The following CRCT1 variants were observed in gnomAD, a reference collection of about 807,000 sequenced individuals.
CRCT1 encodes the protein cysteine rich C-terminal 1.
For missense variants in CRCT1, 160 were observed against 136.3 expected (o/e 1.17, Z -0.87); for synonymous variants, 86 against 60.3 (o/e 1.43, Z -1.98).
chr1:152,515,479 G>A lies in CRCT1; in HGVS notation c.96G>A (p.Ala32=), dbSNP rs773688163. The A allele has an allele frequency of 6.2e-7, 1 of 1,600,710 alleles. No individual in the cohort carries two copies. Among genetic ancestry groups the A allele is most frequent in the South Asian group, 1.1e-5 (1 of 90,406 alleles). ...GTCCCGCCCCGGCGCCCACCCCGGC[G>A]CCCGCCTCCTCCTCCTCCTGCTGCG... is the stretch of plus-strand genomic sequence containing the variant. ...APCPAPAPTP[A]PASSSSCCGS... is the part of the protein sequence containing the mutation. The change falls in exon 2 of 2, where the codon GCG becomes GCA. Residue 32 remains alanine, a synonymous_variant. Coordinates refer to ENST00000368790, the MANE Select transcript of CRCT1 (RefSeq NM_019060.3).
chr1:152,515,296 CCAGA>C (rs1416559721), intron 1 of CRCT1, 62 bp from the exon 2 acceptor site: 18 of 1,356,966 alleles, frequency 1.3e-5, no homozygotes, highest in South Asian at 2.9e-5. Context: ...TCTCAAAAGC[CCAGA>C]CAGAGTTCCA....
chr1:152,515,358 C>T lies in CRCT1; in HGVS notation c.-22-4C>T. ...TCGCCTTTGAAAGGCTGCCTTTCTT[C>T]CAGGTTTGTCGTGAGGAGCTCCGCG... On this transcript the variant is annotated splice_region_variant and splice_polypyrimidine_tract_variant and intron_variant, in intron 1 of 1. Transcript: ENST00000368790. 1 of 1,488,614 alleles carries T rather than the reference C, an allele frequency of 6.7e-7. No individual in the cohort carries two copies. Among genetic ancestry groups the T allele is most frequent in the South Asian group, 1.4e-5 (1 of 73,076 alleles). 92.2% of individuals were successfully genotyped at this position (1,488,614 alleles called of 1,614,324 possible).
Position 152,515,699 on chromosome 1 carries a change from C to A in CRCT1, c.*16C>A. 6.8e-7 allele frequency: 1 copy of A among 1,475,966 alleles called. No homozygotes were observed. Among genetic ancestry groups the A allele is most frequent in the Non-Finnish European group, 9.0e-7 (1 of 1,111,536 alleles). The allele number at this position is 1,475,966 out of a possible 1,614,324, so 91.4% of individuals were successfully genotyped here. On this transcript the variant is annotated 3_prime_UTR_variant, in exon 2 of 2. Transcript: ENST00000368790. ...CGGCTGCTGAGAGGCCCGCAACCCC[C>A]AGCGCTGCGCTAGAGAAACCCGCCC...
intron 1 of CRCT1, 138 bp from the exon 2 acceptor site, chr1:152,515,224 G>A (rs1658712055): frequency 3.2e-6 from 2 of 631,938 alleles, no homozygotes; most frequent in Non-Finnish European, 5.1e-6. Flanking sequence ...CTTTGCGTCC[G>A]CTCTTTCTGG....
chr1:152,514,873 A>C (rs1220902459), intron 1 of CRCT1, among the ~76,000 whole-genome samples: 1 of 152,158 alleles, frequency 6.6e-6, no homozygotes, highest in Non-Finnish European at 1.5e-5. Context: ...GGCAAGAAAG[A>C]ATGATCAGGA....
chr1:152,515,335 G>T (rs919368575), intron 1 of CRCT1, 27 bp from the exon 2 acceptor site: 2 of 1,474,594 alleles, frequency 1.4e-6, no homozygotes. Context: ...AAGCCGGCTC[G>T]CCTTTGAAAG....
At chr1:152,515,150 T>G (rs1018436807) in intron 1 of CRCT1, among the ~76,000 whole-genome samples, 1 of 152,212 alleles carries the variant, frequency 6.6e-6, no homozygotes, top group South Asian at 2.1e-4. Flanking sequence ...ATTGATTCAT[T>G]GCATGGATTG....
chr1:152,514,939 T>C (rs1658705636), intron 1 of CRCT1, among the ~76,000 whole-genome samples: 1 of 152,160 alleles, frequency 6.6e-6, no homozygotes, highest in African/African-American at 2.4e-5. Context: ...CCTGTTGGAC[T>C]TGGGTGTTTT....
At position 152,514,513 on chromosome 1, in the gene CRCT1, T is replaced by C. The variant is rs77426707; in HGVS notation, c.-62T>C. ...CTGCCTAGCAGGTGGCCCATTCCAG[T>C]TGGAGAACGTAGTGAGTCTTTCAGT... is the stretch of plus-strand genomic sequence containing the variant. On this transcript the variant is annotated 5_prime_UTR_variant, in exon 1 of 2. Coordinates refer to ENST00000368790, the MANE Select transcript of CRCT1 (RefSeq NM_019060.3). 0.055 allele frequency: 8,435 copies of C among 152,124 alleles called. 787 individuals carry two copies. The highest frequency in any genetic ancestry group is 0.19 in the African/African-American group (7,960 of 41,432). The allele number at this position is 152,124 out of a possible 1,614,324, so 9.4% of individuals were successfully genotyped here.
At position 152,515,956 on chromosome 1, in the gene CRCT1, T is replaced by C. The variant is rs1412127353; in HGVS notation, c.*273T>C. 2 of 398,500 alleles carry C rather than the reference T, an allele frequency of 5.0e-6. No homozygotes were observed. Among genetic ancestry groups the C allele is most frequent in the Non-Finnish European group, 9.2e-6 (2 of 218,570 alleles). The allele number at this position is 398,500 out of a possible 1,614,324, so 24.7% of individuals were successfully genotyped here. On this transcript the variant is annotated 3_prime_UTR_variant, in exon 2 of 2. Transcript: ENST00000368790. ...ACAGCAGGTGCTCAGCAAATGTCTA[T>C]TGATTTGATTGTCTTTTGAAGATGT...
At position 152,515,459 on chromosome 1, in the gene CRCT1, G is replaced by GC. The variant is rs1557944103; in HGVS notation, c.80dup (p.Ala28GlyfsTer46). On this transcript the variant is annotated frameshift_variant, in exon 2 of 2. Coordinates refer to ENST00000368790, the MANE Select transcript of CRCT1 (RefSeq NM_019060.3). LOFTEE classifies it low-confidence loss of function (END_TRUNC). ...GTCCCAGGGCCCCGCTCCGTGTCCC[G>GC]CCCCGGCGCCCACCCCGGCGCCCGC... The GC allele has an allele frequency of 1.9e-6, 3 of 1,601,936 alleles. No individual in the cohort carries two copies. The highest frequency in any genetic ancestry group is 2.5e-6 in the Non-Finnish European group (3 of 1,177,006).
chr1:152,515,202 T>C (rs1658711392), intron 1 of CRCT1, among the ~76,000 whole-genome samples, 160 bp from the exon 2 acceptor site: 1 of 152,232 alleles, frequency 6.6e-6, no homozygotes, highest in Admixed American at 6.5e-5. Context: ...AAACACCTGC[T>C]TGGATTTGCT....
In CRCT1 at chr1:152,515,737, G is replaced by T. The variant is rs1658737777; in HGVS notation, c.*54G>T. The T allele has an allele frequency of 1.4e-6, 2 of 1,413,602 alleles. No homozygotes were observed. Among genetic ancestry groups the T allele is most frequent in the East Asian group, 2.8e-5 (1 of 35,846 alleles). The allele number at this position is 1,413,602 out of a possible 1,614,324, so 87.6% of individuals were successfully genotyped here. The stretch of plus-strand genomic sequence containing the variant: ...GAGAAACCCGCCCAGCCCAGAGCGG[G>T]CCCGCCCCGCTGCGGCTCCCACGCG... On this transcript the variant is annotated 3_prime_UTR_variant, in exon 2 of 2. Coordinates refer to ENST00000368790, the MANE Select transcript of CRCT1 (RefSeq NM_019060.3).
chr1:152,515,718 C>A lies in CRCT1; in HGVS notation c.*35C>A, dbSNP rs560721937. ...AACCCCCAGCGCTGCGCTAGAGAAACCCGCCCAGCCCAGAGCGGGCCCGCC... is the reference window on the plus strand; with the variant it reads ...AACCCCCAGCGCTGCGCTAGAGAAAACCGCCCAGCCCAGAGCGGGCCCGCC... On this transcript the variant is annotated 3_prime_UTR_variant, in exon 2 of 2. Transcript: ENST00000368790. The A allele has an allele frequency of 2.3e-5, 33 of 1,444,640 alleles. No homozygotes were observed. The South Asian group carries it at 4.6e-4, about 20-fold the overall frequency. 89.5% of individuals were successfully genotyped at this position (1,444,640 alleles called of 1,614,324 possible).
chr1:152,515,873 C>T lies in CRCT1; in HGVS notation c.*190C>T, dbSNP rs1174898120. On this transcript the variant is annotated 3_prime_UTR_variant, in exon 2 of 2. Transcript: ENST00000368790. ...CTGACCCCGATGTGATTTTTCTCCC[C>T]GGGGATTCGAGAGCCATGCGTGGGA... 9.8e-6 allele frequency: 10 copies of T among 1,022,338 alleles called. No homozygotes were observed. Among genetic ancestry groups the T allele is most frequent in the Middle Eastern group, 6.5e-4 (2 of 3,060 alleles). The allele number at this position is 1,022,338 out of a possible 1,614,324, so 63.3% of individuals were successfully genotyped here. A position where few individuals can be genotyped will look rare whatever the true frequency, so the allele number is the denominator to read the frequency against.
At position 152,515,857 on chromosome 1, in the gene CRCT1, A is replaced by G; in HGVS notation, c.*174A>G. On this transcript the variant is annotated 3_prime_UTR_variant, in exon 2 of 2. Transcript: ENST00000368790. The stretch of plus-strand genomic sequence containing the variant: ...AGCCACGCAAAACTCCCTGACCCCG[A>G]TGTGATTTTTCTCCCCGGGGATTCG... 1 of 1,130,324 alleles carries G rather than the reference A, an allele frequency of 8.8e-7. No individual in the cohort carries two copies. The highest frequency in any genetic ancestry group is 2.0e-5 in the South Asian group (1 of 48,884). The allele number at this position is 1,130,324 out of a possible 1,614,324, so 70.0% of individuals were successfully genotyped here. A position where few individuals can be genotyped will look rare whatever the true frequency, so the allele number is the denominator to read the frequency against.
At position 152,515,751 on chromosome 1, in the gene CRCT1, G is replaced by A; in HGVS notation, c.*68G>A. ...GCCCAGAGCGGGCCCGCCCCGCTGC[G>A]GCTCCCACGCGGGGCTGGGCCTCGG... On this transcript the variant is annotated 3_prime_UTR_variant, in exon 2 of 2. Coordinates refer to ENST00000368790, the MANE Select transcript of CRCT1 (RefSeq NM_019060.3). The A allele has an allele frequency of 7.1e-7, 1 of 1,412,024 alleles. No homozygotes were observed. Among genetic ancestry groups the A allele is most frequent in the South Asian group, 1.6e-5 (1 of 62,734 alleles). 87.5% of individuals were successfully genotyped at this position (1,412,024 alleles called of 1,614,324 possible).
Position 152,515,497 on chromosome 1 carries a change from C to G in CRCT1, c.114C>G (p.Ser38=). Residue 38 remains serine (S), a synonymous_variant, in exon 2 of 2, where the codon TCC becomes TCG. Coordinates refer to ENST00000368790, the MANE Select transcript of CRCT1 (RefSeq NM_019060.3). ...APTPAPASSS[S]CCGSGRGCCG... is the part of the protein sequence containing the mutation. ...CCCCGGCGCCCGCCTCCTCCTCCTC[C>G]TGCTGCGGCTCCGGCAGGGGCTGCT... 6.3e-7 allele frequency: 1 copy of G among 1,599,032 alleles called. No homozygotes were observed. The highest frequency in any genetic ancestry group is 8.5e-7 in the Non-Finnish European group (1 of 1,177,130).
Position 152,515,964 on chromosome 1 carries a change from A to C in CRCT1, c.*281A>C, listed in dbSNP as rs1408816192. The C allele has an allele frequency of 2.6e-6, 1 of 390,630 alleles. No individual in the cohort carries two copies. Among genetic ancestry groups the C allele is most frequent in the Non-Finnish European group, 4.7e-6 (1 of 213,742 alleles). 24.2% of individuals were successfully genotyped at this position (390,630 alleles called of 1,614,324 possible). ...TGCTCAGCAAATGTCTATTGATTTG[A>C]TTGTCTTTTGAAGATGTCATAATAA... On this transcript the variant is annotated 3_prime_UTR_variant, in exon 2 of 2. Coordinates refer to ENST00000368790, the MANE Select transcript of CRCT1 (RefSeq NM_019060.3).
Sources: allele counts gnomAD v4.1 joint callset (sites outside exome capture counted in the v4.1 genomes callset), GRCh38; gene constraint gnomAD v4.1.1; transcripts MANE v1.5; gene names NCBI Gene and HGNC (gene_info 2026-07-23, HGNC 2026-07-21).